Variants in NALF1 observed in about 807,000 individuals in gnomAD.
The protein encoded by NALF1 is NALCN channel auxiliary factor 1, also known as family with sequence similarity 155 member A.
In NALF1, 3 loss-of-function variants were observed where a neutral mutation model predicts 48.4. The ratio of observed to expected loss-of-function variants is 0.06; its 90% CI spans 0.03 to 0.16. The LOEUF (loss-of-function observed/expected upper bound fraction) is 0.16. Among genes scored for constraint, NALF1 ranks in the 10% least tolerant of loss-of-function variants. The pLI, the probability that NALF1 is intolerant of heterozygous loss-of-function variation, is 1.00. For synonymous variants in NALF1, 262 were observed against 245.7 expected (o/e 1.07, Z -0.62); for missense variants, 526 against 571.5 (o/e 0.92, Z 0.81).
At chr13:107,679,412 A>G (rs2138493654) in intron 1 of NALF1, among the ~76,000 whole-genome samples, 1 of 152,230 alleles carries the variant, frequency 6.6e-6, no homozygotes, top group East Asian at 1.9e-4. Flanking sequence ...TATTTGTCAA[A>G]GAAGCGAGTG....
chr13:107,577,157 C>A (rs1014884927), intron 1 of NALF1, among the ~76,000 whole-genome samples: 5 of 152,150 alleles, frequency 3.3e-5, no homozygotes, highest in Admixed American at 2.6e-4. Flanking sequence ...CCATTGACAT[C>A]GTCCAGTTCC....
chr13:107,447,993 C>T (rs1884678663), intron 1 of NALF1, among the ~76,000 whole-genome samples: 1 of 152,144 alleles, frequency 6.6e-6, no homozygotes, highest in South Asian at 2.1e-4. Flanking sequence ...GATGCCTGCT[C>T]TTTCAAATAC....
chr13:107,382,886 A>T (rs913316733), intron 1 of NALF1, among the ~76,000 whole-genome samples: 2 of 152,200 alleles, frequency 1.3e-5, no homozygotes, highest in Admixed American at 1.3e-4. Flanking sequence ...GCTTTAGGGA[A>T]TAAACAAAGG....
At chr13:107,200,684 A>G (rs1486626182) in intron 2 of NALF1, among the ~76,000 whole-genome samples, 5 of 152,206 alleles carry the variant, frequency 3.3e-5, no homozygotes, top group African/African-American at 1.2e-4. Flanking sequence ...CTGAGTAAAT[A>G]AACAATAACA....
intron 1 of NALF1, among the ~76,000 whole-genome samples, chr13:107,763,747 C>T (rs1316951814): frequency 1.3e-5 from 2 of 152,084 alleles, no homozygotes; most frequent in Non-Finnish European, 2.9e-5. Flanking sequence ...AAAATGTTTA[C>T]TGTTTTGTAT....
intron 1 of NALF1, among the ~76,000 whole-genome samples, chr13:107,528,404 G>A (rs915554305): frequency 3.9e-5 from 6 of 152,030 alleles, no homozygotes; most frequent in African/African-American, 1.2e-4. Context: ...AACCTTTAAT[G>A]GATTCATACG....
At chr13:107,264,637 G>A (rs1470864686) in intron 1 of NALF1, among the ~76,000 whole-genome samples, 2 of 152,200 alleles carry the variant, frequency 1.3e-5, no homozygotes, top group Non-Finnish European at 2.9e-5. Context: ...CCTTGCCTTA[G>A]AAGGAACAAC....
chr13:107,640,771 G>A (rs914644401), intron 1 of NALF1, among the ~76,000 whole-genome samples: 1 of 152,132 alleles, frequency 6.6e-6, no homozygotes, highest in African/African-American at 2.4e-5. Context: ...GTGAGACCTA[G>A]GAACAATAAT....
At chr13:107,843,274 G>A (rs1040568266) in intron 1 of NALF1, among the ~76,000 whole-genome samples, 1 of 152,136 alleles carries the variant, frequency 6.6e-6, no homozygotes, top group Non-Finnish European at 1.5e-5. Context: ...ACAGAATGAA[G>A]CAACTGAGTA....
At chr13:107,677,749 T>C (rs1008479412) in intron 1 of NALF1, among the ~76,000 whole-genome samples, 16 of 152,304 alleles carry the variant, frequency 1.1e-4, no homozygotes, top group African/African-American at 3.6e-4. Flanking sequence ...TTTTCAATCA[T>C]ATTATTCTGT....
At position 107,838,706 on chromosome 13, in the gene NALF1, C is replaced by A. The variant is rs911322210; in HGVS notation, c.915+26976G>T. ...AATTCATGCCAAACACACCTCCACC[C>A]TAGTCTTTCCCTCCAGTGATCTCAC... On this transcript the variant is annotated intron_variant, in intron 1 of 2. Transcript: ENST00000375915. Among the ~76,000 whole-genome samples the A allele has an allele frequency of 3.3e-5, 5 of 152,186 alleles. No homozygotes were observed. The East Asian group carries it at 9.7e-4, about 29-fold the overall frequency.
At chr13:107,834,091 T>A (rs1443178442) in intron 1 of NALF1, among the ~76,000 whole-genome samples, 2 of 152,166 alleles carry the variant, frequency 1.3e-5, no homozygotes, top group Admixed American at 1.3e-4. Flanking sequence ...AACACCAATT[T>A]TAAAAATACA....
intron 1 of NALF1, among the ~76,000 whole-genome samples, chr13:107,556,291 A>G (rs1007518010): frequency 7.6e-5 from 10 of 131,976 alleles, no homozygotes; most frequent in African/African-American, 2.7e-4. Context: ...ATATATATAT[A>G]TATATACACA....
chr13:107,661,617 G>A (rs942609625), intron 1 of NALF1, among the ~76,000 whole-genome samples: 2 of 152,018 alleles, frequency 1.3e-5, no homozygotes, highest in Admixed American at 1.3e-4. Flanking sequence ...CATAACCTGA[G>A]GATTAATTTA....
At chr13:107,474,888 C>T (rs768173602) in intron 1 of NALF1, among the ~76,000 whole-genome samples, 5 of 152,142 alleles carry the variant, frequency 3.3e-5, no homozygotes, top group Non-Finnish European at 5.9e-5. Flanking sequence ...AAATATTGGT[C>T]ATATGCTTTC....
chr13:107,296,798 A>ATATATATATT (rs1881735509), intron 1 of NALF1, among the ~76,000 whole-genome samples: 1 of 152,060 alleles, frequency 6.6e-6, no homozygotes, highest in Admixed American at 6.6e-5. Context: ...TATTTTTCAG[A>ATATATATATT]GTGGCAAGAG....
chr13:107,563,851 C>T (rs1283347988), intron 1 of NALF1, among the ~76,000 whole-genome samples: 3 of 152,128 alleles, frequency 2.0e-5, no homozygotes, highest in Non-Finnish European at 2.9e-5. Flanking sequence ...TTGATCCATC[C>T]GGGGCCAAAT....
intron 1 of NALF1, among the ~76,000 whole-genome samples, chr13:107,441,930 C>T (rs1002478633): frequency 6.6e-6 from 1 of 152,098 alleles, no homozygotes; most frequent in Non-Finnish European, 1.5e-5. Context: ...GAGGCTGAGA[C>T]AGAGAAAACA....
At chr13:107,306,112 T>C (rs1881931839) in intron 1 of NALF1, among the ~76,000 whole-genome samples, 2 of 152,208 alleles carry the variant, frequency 1.3e-5, no homozygotes, top group Non-Finnish European at 2.9e-5. Context: ...TATATATGTT[T>C]GAAAATTTCT....
Sources: allele counts gnomAD v4.1 joint callset (sites outside exome capture counted in the v4.1 genomes callset), GRCh38; gene constraint gnomAD v4.1.1; transcripts MANE v1.5; gene names NCBI Gene and HGNC (gene_info 2026-07-23, HGNC 2026-07-21).